The following SV2B variants were observed in gnomAD, a reference collection of about 807,000 sequenced individuals.
The protein encoded by SV2B is solute carrier family 22 member B2.
SV2B carries 41 observed loss-of-function variants against 73.9 expected under a neutral mutation model. That is an observed-to-expected ratio of 0.56 (90% confidence interval 0.43 to 0.72). The LOEUF (loss-of-function observed/expected upper bound fraction) is 0.72. Among genes scored for constraint, SV2B ranks in the 30% least tolerant of loss-of-function variants. SV2B has a pLI of 0.00. For missense variants in SV2B, 764 were observed against 857.8 expected (o/e 0.89, Z 1.37); for synonymous variants, 314 against 314.2 (o/e 1.00, Z 0.01).
intron 1 of SV2B, among the ~76,000 whole-genome samples, chr15:91,152,183 C>A (rs1375207043): frequency 6.6e-6 from 1 of 150,822 alleles, no homozygotes. Flanking sequence ...CCAGTTTTTA[C>A]TCTTTAAAAA....
rs754097394 is a variant in SV2B, at chr15:91,268,602, ATAAG to A, written c.1373+3_1373+6del. 23 of 1,612,582 alleles carry A rather than the reference ATAAG, an allele frequency of 1.4e-5. No homozygotes were observed. Among genetic ancestry groups the A allele is most frequent in the Middle Eastern group, 1.7e-4 (1 of 6,056 alleles). On this transcript the variant is annotated splice_donor_variant and coding_sequence_variant, in exon 9 of 13. Coordinates refer to ENST00000394232, the MANE Select transcript of SV2B (RefSeq NM_001323032.3). LOFTEE classifies it high-confidence loss of function. The surrounding 1 kb of genome is among the most constrained non-coding windows in gnomAD (Gnocchi z 4.4). ...CACCAACATGGGAAACTTGTGAATG[ATAAG>A]TAAGTGAGTGATCACGGGCTTCCCT...
chr15:91,164,021 A>G (rs1239469095), intron 1 of SV2B, among the ~76,000 whole-genome samples: 1 of 152,140 alleles, frequency 6.6e-6, no homozygotes, highest in Non-Finnish European at 1.5e-5. Context: ...TAAATAGGGA[A>G]TCCTTACCCC....
chr15:91,134,453 A>C (rs1343493671), intron 1 of SV2B, among the ~76,000 whole-genome samples: 1 of 152,144 alleles, frequency 6.6e-6, no homozygotes, highest in Non-Finnish European at 1.5e-5. Flanking sequence ...ACAGAGCCAC[A>C]AAGTAGCTGC....
chr15:91,223,622 T>C lies in SV2B; in HGVS notation c.-391-2251T>C, dbSNP rs2046285119. Among the ~76,000 whole-genome samples, 1 of 152,246 alleles carries C rather than the reference T, an allele frequency of 6.6e-6. No homozygotes were observed. Among genetic ancestry groups the C allele is most frequent in the Non-Finnish European group, 1.5e-5 (1 of 68,050 alleles). On this transcript the variant is annotated intron_variant, in intron 1 of 12. Coordinates refer to ENST00000394232, the MANE Select transcript of SV2B (RefSeq NM_001323032.3). This position sits in a 1 kb window ranked among gnomAD's most constrained non-coding sequence, Gnocchi z 4.6. ...TCTCAGTCAGGTGGCGTTCTTTCCA[T>C]GTTTTTATAGCGCTCTGCAAACTCT...
At position 91,242,083 on chromosome 15, in the gene SV2B, C is replaced by T. The variant is rs2047040287; in HGVS notation, c.452-9736C>T. 6.6e-6 allele frequency among the ~76,000 whole-genome samples: 1 copy of T among 152,216 alleles called. No homozygotes were observed. Among genetic ancestry groups the T allele is most frequent in the Non-Finnish European group, 1.5e-5 (1 of 68,040 alleles). ...AGTCAGCTCTCATCCTCAGCTTATT[C>T]ACCTGTTCACAGCAACTCTAACGGT... On this transcript the variant is annotated intron_variant, in intron 2 of 12. Transcript: ENST00000394232. This position sits in a 1 kb window ranked among gnomAD's most constrained non-coding sequence, Gnocchi z 4.9.
At chr15:91,244,112 C>T (rs918807968) in intron 2 of SV2B, among the ~76,000 whole-genome samples, 1 of 152,186 alleles carries the variant, frequency 6.6e-6, no homozygotes, top group Non-Finnish European at 1.5e-5. Context: ...GGAAAGTTTA[C>T]TTATACTTTA....
Position 91,289,476 on chromosome 15 carries a change from G to T in SV2B, c.1709-45G>T. ...AACTGTGAGTGACAGCCATGTGCAA[G>T]ACACAGGCCTCATGTTTCTTTTTGC... On this transcript the variant is annotated intron_variant, in intron 11 of 12. Coordinates refer to ENST00000394232, the MANE Select transcript of SV2B (RefSeq NM_001323032.3). The surrounding 1 kb of genome is among the most constrained non-coding windows in gnomAD (Gnocchi z 4.9). 6.2e-7 allele frequency: 1 copy of T among 1,613,088 alleles called. No individual in the cohort carries two copies. Among genetic ancestry groups the T allele is most frequent in the South Asian group, 1.1e-5 (1 of 90,842 alleles).
In SV2B at chr15:91,136,647, C is replaced by G. The variant is rs954795686; in HGVS notation, c.-392+36284C>G. 2.6e-5 allele frequency among the ~76,000 whole-genome samples: 4 copies of G among 152,182 alleles called. No individual in the cohort carries two copies. The highest frequency in any genetic ancestry group is 9.7e-5 in the African/African-American group (4 of 41,436). ...ATTCACACCCTGGAGCAAGGAAGCT[C>G]TAGGTTCCCGTAAGGCAGACTGCCT... On this transcript the variant is annotated intron_variant, in intron 1 of 12. Transcript: ENST00000394232. This position sits in a 1 kb window ranked among gnomAD's most constrained non-coding sequence, Gnocchi z 5.6.
rs776319810 is a variant in SV2B, at chr15:91,214,583, G to C, written c.-391-11290G>C. On this transcript the variant is annotated intron_variant, in intron 1 of 12. Transcript: ENST00000394232. This position sits in a 1 kb window ranked among gnomAD's most constrained non-coding sequence, Gnocchi z 4.7. ...TGATTCACAGAACTTGCGAATGGCA[G>C]AGCTGGTATCTGTAAAGAAATGCAG... is the stretch of plus-strand genomic sequence containing the variant. Among the ~76,000 whole-genome samples the C allele has an allele frequency of 4.9e-4, 74 of 152,210 alleles. No individual in the cohort carries two copies. Among genetic ancestry groups the C allele is most frequent in the Non-Finnish European group, 1.0e-3 (69 of 68,038 alleles).
intron 1 of SV2B, among the ~76,000 whole-genome samples, chr15:91,211,198 G>A (rs1206269090): frequency 6.6e-6 from 1 of 152,236 alleles, no homozygotes; most frequent in African/African-American, 2.4e-5. Flanking sequence ...TGAGGTGAGA[G>A]CTGTGCTAAG....
At chr15:91,167,499 A>T (rs2043957308) in intron 1 of SV2B, among the ~76,000 whole-genome samples, 1 of 152,182 alleles carries the variant, frequency 6.6e-6, no homozygotes, top group Non-Finnish European at 1.5e-5. Context: ...AGGTGCCTGC[A>T]TTCCTTTTGT....
At chr15:91,163,432 C>G (rs1215597668) in intron 1 of SV2B, among the ~76,000 whole-genome samples, 1 of 152,182 alleles carries the variant, frequency 6.6e-6, no homozygotes, top group Non-Finnish European at 1.5e-5. Flanking sequence ...CCTGTTGTTT[C>G]TTGACTTTTT....
intron 6 of SV2B, among the ~76,000 whole-genome samples, chr15:91,264,056 G>C (rs1415821994): frequency 6.6e-6 from 1 of 152,234 alleles, no homozygotes; most frequent in African/African-American, 2.4e-5. Flanking sequence ...TTCCCACCCT[G>C]TTCTGCCTGT....
Position 91,156,579 on chromosome 15 carries a change from G to A in SV2B, c.-392+56216G>A, listed in dbSNP as rs528082110. On this transcript the variant is annotated intron_variant, in intron 1 of 12. Coordinates refer to ENST00000394232, the MANE Select transcript of SV2B (RefSeq NM_001323032.3). ...GAGCAGGTTAGTGATGGGAAGCTGC[G>A]CAGGAGAGACCCATGCTAATAGCTC... Among the ~76,000 whole-genome samples the A allele has an allele frequency of 7.9e-5, 12 of 152,290 alleles. No individual in the cohort carries two copies. The South Asian group carries it at 1.9e-3, about 24-fold the overall frequency.
intron 2 of SV2B, among the ~76,000 whole-genome samples, chr15:91,246,505 G>A (rs1435983784): frequency 6.6e-6 from 1 of 152,198 alleles, no homozygotes; most frequent in Non-Finnish European, 1.5e-5. Context: ...TGGTCAGAGA[G>A]GCTGAATGGG....
At chr15:91,150,753 A>G (rs997851339) in intron 1 of SV2B, among the ~76,000 whole-genome samples, 9 of 152,234 alleles carry the variant, frequency 5.9e-5, no homozygotes, top group African/African-American at 2.2e-4. Context: ...TGAAATAGTC[A>G]TACTGTGGCA....
rs150885204 is a variant in SV2B at position 91,217,481 on chromosome 15, G to A, written c.-391-8392G>A. On this transcript the variant is annotated intron_variant, in intron 1 of 12. Transcript: ENST00000394232. ...CCTAATGTAAGTGACGAGTTAATGG[G>A]TGCAGCACACCAACATGGCACATGT... Among the ~76,000 whole-genome samples, 188 of 152,218 alleles carry A rather than the reference G, an allele frequency of 1.2e-3. 1 individual carries two copies. Among genetic ancestry groups the A allele is most frequent in the Non-Finnish European group, 1.8e-3 (122 of 68,020 alleles).
chr15:91,132,202 A>G lies in SV2B; in HGVS notation c.-392+31839A>G. On this transcript the variant is annotated intron_variant, in intron 1 of 12. Coordinates refer to ENST00000394232, the MANE Select transcript of SV2B (RefSeq NM_001323032.3). This position sits in a 1 kb window ranked among gnomAD's most constrained non-coding sequence, Gnocchi z 4.6. ...AGCGGCTCAAGAGCCCAGCTACAGAATCGTCTCGGGTCCAAATACCCTCTA... is the reference window on the plus strand; with the variant it reads ...AGCGGCTCAAGAGCCCAGCTACAGAGTCGTCTCGGGTCCAAATACCCTCTA... Among the ~76,000 whole-genome samples the G allele has an allele frequency of 6.6e-6, 1 of 152,206 alleles. No homozygotes were observed. Among genetic ancestry groups the G allele is most frequent in the African/African-American group, 2.4e-5 (1 of 41,460 alleles).
In SV2B at chr15:91,258,094, C is replaced by G. The variant is rs2047765004; in HGVS notation, c.785-327C>G. Among the ~76,000 whole-genome samples the G allele has an allele frequency of 6.6e-6, 1 of 152,156 alleles. No individual in the cohort carries two copies. The highest frequency in any genetic ancestry group is 1.5e-5 in the Non-Finnish European group (1 of 68,026). ...TCTGTAGAGATACGGGCTATTGTTT[C>G]TGTTTGTACTCTTATCCGAGGCTCT... On this transcript the variant is annotated intron_variant, in intron 4 of 12. Coordinates refer to ENST00000394232, the MANE Select transcript of SV2B (RefSeq NM_001323032.3). This position sits in a 1 kb window ranked among gnomAD's most constrained non-coding sequence, Gnocchi z 4.7.
Sources: allele counts gnomAD v4.1 joint callset (sites outside exome capture counted in the v4.1 genomes callset), GRCh38; gene constraint gnomAD v4.1.1; non-coding constraint Gnocchi (gnomAD v3.1); transcripts MANE v1.5; gene names NCBI Gene and HGNC (gene_info 2026-07-23, HGNC 2026-07-21).